Variants in CAMTA1 observed in about 807,000 individuals in gnomAD.
CAMTA1 encodes the protein calmodulin binding transcription activator 1.
CAMTA1 carries 27 observed loss-of-function variants against 170.9 expected under a neutral mutation model. The observed-to-expected ratio is 0.16, with a 90% CI of 0.12 to 0.22. The LOEUF (loss-of-function observed/expected upper bound fraction) is 0.22. Ranked by LOEUF, CAMTA1 falls within the 10% of genes least tolerant of loss-of-function variation. CAMTA1 has a pLI of 1.00. For missense variants in CAMTA1, 1,619 were observed against 2,217.2 expected, an observed-to-expected ratio of 0.73 and a Z score of 5.42; for synonymous variants, 833 against 891.5, an observed-to-expected ratio of 0.93 and a Z score of 1.17.
chr1:7,387,536 G>C lies in CAMTA1; in HGVS notation c.439-80294G>C, dbSNP rs111330610. ...CCAGCTGCCCTAGACCCCAGCCACT[G>C]TCCTGCCAGGGTCCCAGCCTGAGGC... On this transcript the variant is annotated intron_variant, in intron 5 of 22. Coordinates refer to ENST00000303635, the MANE Select transcript of CAMTA1 (RefSeq NM_015215.4). Among the ~76,000 whole-genome samples the C allele has an allele frequency of 3.8e-4, 58 of 152,290 alleles. 3 individuals carry two copies. Among genetic ancestry groups the C allele is most frequent in the African/African-American group, 1.3e-3 (54 of 41,556 alleles).
rs200581518 is a variant in CAMTA1, at chr1:7,737,591, C to G, written c.3658+21C>G. ...CCCAGGTAAGAATTCAGAATCATGA[C>G]ATCTCAGAGCTTGACAGAGATCCCG... is the stretch of plus-strand genomic sequence containing the variant. On this transcript the variant is annotated intron_variant, in intron 15 of 22. Transcript: ENST00000303635. The G allele has an allele frequency of 1.4e-4, 227 of 1,581,348 alleles. 3 individuals carry two copies. The East Asian group carries it at 2.4e-3, about 17-fold the overall frequency.
chr1:7,663,370 C>T lies in CAMTA1; in HGVS notation c.823C>T (p.His275Tyr), dbSNP rs759549119. The change falls in exon 9 of 23, where the codon CAT (histidine) becomes TAT (tyrosine). Residue 275 changes from histidine (H) to tyrosine (Y), a missense_variant. His to Tyr is a moderately conservative substitution (Grantham distance 83, BLOSUM62 2). Coordinates refer to ENST00000303635, the MANE Select transcript of CAMTA1 (RefSeq NM_015215.4). ...CTCCGCAGGAGCTGGCGGCAGCGTGCATCACAAGTGTAACAGCGCCAAACA... is the reference window on the plus strand; with the variant it reads ...CTCCGCAGGAGCTGGCGGCAGCGTGTATCACAAGTGTAACAGCGCCAAACA... ...TGSLGAGGSV[H>Y]HKCNSAKHRI... is the part of the protein sequence containing the mutation. The T allele has an allele frequency of 1.3e-6, 2 of 1,527,840 alleles. No individual in the cohort carries two copies. Among genetic ancestry groups the T allele is most frequent in the Non-Finnish European group, 1.8e-6 (2 of 1,135,428 alleles). 94.6% of individuals were successfully genotyped at this position (1,527,840 alleles called of 1,614,324 possible).
intron 5 of CAMTA1, among the ~76,000 whole-genome samples, chr1:7,267,305 T>C (rs1669086704): frequency 6.6e-6 from 1 of 152,232 alleles, no homozygotes; most frequent in Admixed American, 6.5e-5. Context: ...CCATGAGTTC[T>C]TTGGCTTCAT....
At chr1:7,624,297 G>C (rs762502760) in intron 6 of CAMTA1, among the ~76,000 whole-genome samples, 1 of 152,230 alleles carries the variant, frequency 6.6e-6, no homozygotes, top group Non-Finnish European at 1.5e-5. Context: ...CGATTTCTGG[G>C]ACCCCATCTG....
chr1:7,405,046 C>T (rs1036870100), intron 5 of CAMTA1, among the ~76,000 whole-genome samples: 23 of 151,710 alleles, frequency 1.5e-4, no homozygotes, highest in African/African-American at 5.6e-4. Flanking sequence ...ACCGATTGTG[C>T]CTGGTACTCA....
At chr1:6,960,081 A>G (rs1356282810) in intron 3 of CAMTA1, among the ~76,000 whole-genome samples, 3 of 152,240 alleles carry the variant, frequency 2.0e-5, no homozygotes, top group Non-Finnish European at 4.4e-5. Context: ...AGTTGGTGGC[A>G]GAGTTAGGAT....
chr1:7,430,580 G>A (rs2092111974), intron 5 of CAMTA1, among the ~76,000 whole-genome samples: 1 of 152,202 alleles, frequency 6.6e-6, no homozygotes, highest in Non-Finnish European at 1.5e-5. Context: ...TGATGGTGGA[G>A]GTGATGGTGA....
intron 3 of CAMTA1, among the ~76,000 whole-genome samples, chr1:7,004,565 A>G (rs1698704148): frequency 6.6e-6 from 1 of 152,196 alleles, no homozygotes; most frequent in Non-Finnish European, 1.5e-5. Context: ...TAAAGCATAT[A>G]TACAAAAAAG....
chr1:7,256,030 G>C (rs1015078934), intron 5 of CAMTA1, among the ~76,000 whole-genome samples: 2 of 152,124 alleles, frequency 1.3e-5, no homozygotes, highest in Non-Finnish European at 2.9e-5. Context: ...GGGGCTCTCT[G>C]CTGGCTTTTC....
chr1:7,755,598 A>G lies in CAMTA1; in HGVS notation c.4959-40A>G, dbSNP rs1304568127. The G allele has an allele frequency of 2.6e-6, 4 of 1,526,656 alleles. No individual in the cohort carries two copies. The East Asian group carries it at 6.7e-5, about 26-fold the overall frequency. 94.6% of individuals were successfully genotyped at this position (1,526,656 alleles called of 1,614,324 possible). A position where few individuals can be genotyped will look rare whatever the true frequency, so the allele number is the denominator to read the frequency against. ...TTGTAAGATTTCTGTTGTGACCCTC[A>G]TGTGCTAATAGCTCTCTGGTGTTGT... On this transcript the variant is annotated intron_variant, in intron 21 of 22. Coordinates refer to ENST00000303635, the MANE Select transcript of CAMTA1 (RefSeq NM_015215.4).
chr1:7,039,187 A>T (rs1704063279), intron 3 of CAMTA1, among the ~76,000 whole-genome samples: 1 of 152,202 alleles, frequency 6.6e-6, no homozygotes, highest in Non-Finnish European at 1.5e-5. Context: ...CTTCTGTGTG[A>T]ATTACGCCAT....
chr1:7,285,858 C>G (rs1672272471), intron 5 of CAMTA1, among the ~76,000 whole-genome samples: 1 of 152,158 alleles, frequency 6.6e-6, no homozygotes, highest in Admixed American at 6.5e-5. Flanking sequence ...CTGAAATCCC[C>G]ACCTCAAAAA....
In CAMTA1 at chr1:7,599,343, C is replaced by G. The variant is rs111785235; in HGVS notation, c.511-41057C>G. On this transcript the variant is annotated intron_variant, in intron 6 of 22. Transcript: ENST00000303635. The stretch of plus-strand genomic sequence containing the variant: ...TACCATGCTGTTTTGGTTACTGTAG[C>G]CTTGTAGTATAGTTTAAAGTCAGGT... Among the ~76,000 whole-genome samples, 622 of 152,228 alleles carry G rather than the reference C, an allele frequency of 4.1e-3. 5 individuals carry two copies. Among genetic ancestry groups the G allele is most frequent in the African/African-American group, 0.014 (600 of 41,512 alleles).
At chr1:7,285,339 C>T (rs1672202828) in intron 5 of CAMTA1, among the ~76,000 whole-genome samples, 2 of 152,218 alleles carry the variant, frequency 1.3e-5, no homozygotes, top group Admixed American at 6.5e-5. Flanking sequence ...GTCTGGGACT[C>T]GCACTGCATT....
At chr1:7,704,578 T>C (rs1422063929) in intron 11 of CAMTA1, among the ~76,000 whole-genome samples, 1 of 148,234 alleles carries the variant, frequency 6.7e-6, no homozygotes, top group African/African-American at 2.4e-5. Context: ...GCCGAGCGGC[T>C]CCGCGCCCCG....
At chr1:7,423,750 G>A (rs1360219689) in intron 5 of CAMTA1, among the ~76,000 whole-genome samples, 5 of 152,136 alleles carry the variant, frequency 3.3e-5, no homozygotes, top group Non-Finnish European at 5.9e-5. Flanking sequence ...TGTGATGAGC[G>A]AAGGAGGATG....
rs1238308441 is a variant in CAMTA1 at position 7,636,257 on chromosome 1, G to T, written c.511-4143G>T. Reference sequence around the variant, plus strand: ...CTGAAGTGGGATCCACTGACCACTGGATCTGTGAGCCCTTGAACTGAAGTG... The same window carrying T: ...CTGAAGTGGGATCCACTGACCACTGTATCTGTGAGCCCTTGAACTGAAGTG... On this transcript the variant is annotated intron_variant, in intron 6 of 22. Transcript: ENST00000303635. 4.6e-5 allele frequency among the ~76,000 whole-genome samples: 7 copies of T among 152,320 alleles called. No individual in the cohort carries two copies. The East Asian group carries it at 1.4e-3, about 29-fold the overall frequency.
At chr1:7,676,221 G>T (rs997905217) in intron 10 of CAMTA1, among the ~76,000 whole-genome samples, 8 of 152,254 alleles carry the variant, frequency 5.3e-5, no homozygotes, top group African/African-American at 1.2e-4. Flanking sequence ...GCCATAGCAG[G>T]TTCTGGACTT....
At chr1:7,382,216 T>C (rs1172025307) in intron 5 of CAMTA1, among the ~76,000 whole-genome samples, 1 of 152,120 alleles carries the variant, frequency 6.6e-6, no homozygotes, top group Non-Finnish European at 1.5e-5. Flanking sequence ...CCAGCTAAAT[T>C]TGGGGATTCT....
Sources: allele counts gnomAD v4.1 joint callset (sites outside exome capture counted in the v4.1 genomes callset), GRCh38; gene constraint gnomAD v4.1.1; transcripts MANE v1.5; gene names NCBI Gene and HGNC (gene_info 2026-07-23, HGNC 2026-07-21).